CCDC14: variants seen among roughly 807,000 people sequenced by gnomAD.
The protein encoded by CCDC14 is coiled-coil domain containing 14, also known as coiled-coil domain-containing protein 14.
Under a neutral mutation model 81.4 loss-of-function variants are expected in CCDC14, and 71 were observed. That is an observed-to-expected ratio of 0.87 (90% CI 0.72 to 1.06). CCDC14 has a LOEUF of 1.06. CCDC14 is among the 50% of genes least tolerant of loss of function. The probability of loss-of-function intolerance (pLI) is 0.00; values close to 1 mark genes in which losing one functional copy is unlikely to be tolerated. For missense variants in CCDC14, 1,046 were observed against 1,047.3 expected (o/e 1.00, Z 0.02); for synonymous variants, 332 against 364.8 (o/e 0.91, Z 1.03).
At chr3:123,959,976 CCTTT>C (rs1256136020) in intron 1 of CCDC14, among the ~76,000 whole-genome samples, 2 of 151,960 alleles carry the variant, frequency 1.3e-5, no homozygotes, top group East Asian at 3.9e-4. Context: ...CTGGAATAAG[CCTTT>C]CTATCTACTG....
chr3:123,889,518 C>T, the CCDC14 span, among the ~76,000 whole-genome samples: 1 of 152,232 alleles, frequency 6.6e-6, no homozygotes, highest in Non-Finnish European at 1.5e-5. Context: ...AAAATAATCT[C>T]TTTTGAATTC....
chr3:123,907,671 C>G (rs2034344013), intron 5 of CCDC14, among the ~76,000 whole-genome samples: 1 of 151,854 alleles, frequency 6.6e-6, no homozygotes, highest in African/African-American at 2.4e-5. Context: ...TGTCACTGCA[C>G]TCCAGCCTGG....
intron 12 of CCDC14, 43 bp from the exon 13 acceptor site, chr3:123,915,761 GTTTC>G (rs1169713537): frequency 7.1e-7 from 1 of 1,412,288 alleles, no homozygotes; most frequent in Non-Finnish European, 9.6e-7. Flanking sequence ...TTTTTTACCT[GTTTC>G]TTTAATTCAC....
intron 7 of CCDC14, 71 bp downstream of exon 7, chr3:123,948,620 A>T: frequency 8.9e-7 from 1 of 1,127,762 alleles, no homozygotes; most frequent in Admixed American, 2.9e-5. Flanking sequence ...ATAAGCAATA[A>T]ATTCAACAGT....
Position 123,915,163 on chromosome 3 carries a change from A to G in CCDC14, c.2334T>C (p.Cys778=). 6.2e-7 allele frequency: 1 copy of G among 1,613,916 alleles called. No individual in the cohort carries two copies. The highest frequency in any genetic ancestry group is 8.5e-7 in the Non-Finnish European group (1 of 1,179,842). ...TTGAAGAGGAACAGATTACAGGTGT[A>G]CACAGTTTATTTTCTTTTCCAGAGA... The part of the protein sequence containing the change: ...LAVSGKENKL[C]TPVICSSSTK... The change falls in exon 13 of 13, where the codon TGT becomes TGC. Residue 778 remains cysteine (C), a synonymous_variant. Transcript: ENST00000409697.
At chr3:123,954,253 T>C (rs1230323873) in intron 5 of CCDC14, 2 of 152,218 alleles carry the variant, frequency 1.3e-5, no homozygotes, top group African/African-American at 2.4e-5. Context: ...TTTAGCACTC[T>C]TTCTTCAAAG....
intron 5 of CCDC14, among the ~76,000 whole-genome samples, chr3:123,900,464 A>G (rs1295846129): frequency 6.6e-6 from 1 of 152,224 alleles, no homozygotes; most frequent in Non-Finnish European, 1.5e-5. Flanking sequence ...TCTCTCAGCA[A>G]GACCATAACT....
intron 5 of CCDC14, among the ~76,000 whole-genome samples, chr3:123,907,024 C>G (rs2034327159): frequency 6.6e-6 from 1 of 152,156 alleles, no homozygotes; most frequent in Non-Finnish European, 1.5e-5. Context: ...ATAGCTGTTC[C>G]ATTCAGTTAT....
chr3:123,937,435 T>C (rs1226884920), intron 9 of CCDC14, among the ~76,000 whole-genome samples: 2 of 152,034 alleles, frequency 1.3e-5, no homozygotes, highest in African/African-American at 2.4e-5. Context: ...CATCTTTCTA[T>C]ATTCTTATTT....
At chr3:123,897,785 T>C (rs968995328) in intron 5 of CCDC14, among the ~76,000 whole-genome samples, 1 of 152,146 alleles carries the variant, frequency 6.6e-6, no homozygotes, top group South Asian at 2.1e-4. Flanking sequence ...TGTAGAAGTT[T>C]ATCTTAGAAA....
At chr3:123,924,114 T>C (rs1005420251) in intron 12 of CCDC14, among the ~76,000 whole-genome samples, 9 of 152,134 alleles carry the variant, frequency 5.9e-5, no homozygotes, top group Middle Eastern at 3.4e-3. Context: ...TGCTGATCAA[T>C]GGAACAGGAC....
intron 10 of CCDC14, among the ~76,000 whole-genome samples, chr3:123,932,161 C>T (rs546887196): frequency 6.6e-6 from 1 of 152,238 alleles, no homozygotes; most frequent in Admixed American, 6.5e-5. Flanking sequence ...ACAACACAGA[C>T]GTGGCCCCTG....
chr3:123,943,879 TATCCTTTATAATA>T (rs1559793714), intron 9 of CCDC14, among the ~76,000 whole-genome samples: 1 of 152,192 alleles, frequency 6.6e-6, no homozygotes, highest in Non-Finnish European at 1.5e-5. Context: ...TCCTTTATAA[TATCCTTTATAATA>T]AAGTGGTAAA....
rs1273883085 is a variant in CCDC14 at position 123,944,855 on chromosome 3, A to G, written c.1337T>C (p.Leu446Ser). 1 of 1,609,316 alleles carries G rather than the reference A, an allele frequency of 6.2e-7. No homozygotes were observed. Among genetic ancestry groups the G allele is most frequent in the Non-Finnish European group, 8.5e-7 (1 of 1,176,898 alleles). ...TTCAAAGAGCAATTCTTACCTTCGT[A>G]ACTGAGCATTCTCACTTCTTAATGG... is the stretch of plus-strand genomic sequence containing the variant. ...MQPLRSENAQ[L>S]RRQLRILNQQ... Residue 446 changes from leucine (L) to serine (S), a missense_variant, in exon 9 of 13, where the codon TTA becomes TCA. Leu to Ser is a moderately radical substitution (Grantham distance 145). Coordinates refer to ENST00000409697, the MANE Select transcript of CCDC14 (RefSeq NM_001366335.1).
chr3:123,931,611 A>T (rs1416585364), intron 10 of CCDC14, 85 bp from the exon 11 acceptor site: 3 of 717,052 alleles, frequency 4.2e-6, no homozygotes, highest in South Asian at 2.2e-5. Context: ...AAAAAAAAAA[A>T]AAAAAGGCCT....
chr3:123,897,511 C>T (rs1478136239), exon 6 of CCDC14: 6 of 637,784 alleles, frequency 9.4e-6, no homozygotes, highest in East Asian at 1.7e-4. Context: ...GATCTCCCAC[C>T]TCTTCCTTGT....
intron 5 of CCDC14, chr3:123,955,391 AT>A (rs1257801203): frequency 6.6e-6 from 1 of 151,980 alleles, no homozygotes; most frequent in Non-Finnish European, 1.5e-5. Context: ...TATTCATCCG[AT>A]TTTACCTTCC....
In CCDC14 at chr3:123,955,933, T is replaced by C; in HGVS notation, c.262A>G (p.Asn88Asp). 1.3e-6 allele frequency: 2 copies of C among 1,530,018 alleles called. No individual in the cohort carries two copies. Among genetic ancestry groups the C allele is most frequent in the Non-Finnish European group, 1.8e-6 (2 of 1,134,592 alleles). 94.8% of individuals were successfully genotyped at this position (1,530,018 alleles called of 1,614,324 possible). ...CTTTTGCTTTCTAAAGGTCTAGAAT[T>C]AGATCTGTTTTCTAAATATGCTGTT... ...SETAYLENRS[N>D]SRPLESKRYG... The change falls in exon 5 of 13, where the codon AAT becomes GAT. Residue 88 changes from asparagine (N) to aspartate (D), a missense_variant. Asn to Asp is a conservative substitution (Grantham distance 23). Transcript: ENST00000409697.
chr3:123,903,865 A>G (rs1479494678), intron 5 of CCDC14, among the ~76,000 whole-genome samples: 1 of 152,034 alleles, frequency 6.6e-6, no homozygotes, highest in Non-Finnish European at 1.5e-5. Context: ...GTGATTCTGA[A>G]GCCAGCAGCT....
Sources: gnomAD v4.1 joint callset for allele counts (sites outside exome capture counted in the v4.1 genomes callset) on GRCh38, gnomAD v4.1.1 for gene constraint, MANE v1.5 for transcripts, NCBI Gene and HGNC (gene_info 2026-07-23, HGNC 2026-07-21) for gene names.